The following RGS6 variants were observed in gnomAD, a reference collection of about 807,000 sequenced individuals.
The protein encoded by RGS6 is regulator of G protein signaling 6, also known as regulator of G-protein signaling 6.
RGS6 carries 30 observed loss-of-function variants against 78.5 expected under a neutral mutation model. That is an observed-to-expected ratio of 0.38 (90% confidence interval 0.29 to 0.52). The LOEUF is 0.52. Among genes scored for constraint, RGS6 ranks in the 20% least tolerant of loss-of-function variants. The probability of loss-of-function intolerance (pLI) is 0.85; values close to 1 mark genes in which losing one functional copy is unlikely to be tolerated. For synonymous variants in RGS6, 206 were observed against 206.0 expected (o/e 1.00, Z 0.00); for missense variants, 495 against 609.7 (o/e 0.81, Z 1.98).
rs117873487 is a variant in RGS6 at position 72,226,575 on chromosome 14, G to A, written c.85-125520G>A. 2.1e-3 allele frequency among the ~76,000 whole-genome samples: 321 copies of A among 152,202 alleles called. 1 individual carries two copies. Among genetic ancestry groups the A allele is most frequent in the Middle Eastern group, 6.8e-3 (2 of 294 alleles). On this transcript the variant is annotated intron_variant, in intron 2 of 17. Transcript: ENST00000553525. ...ATCTCCTACTCAAAGTGTGGTCCAC[G>A]GACCAGTGGCATCAATATCAACTGG...
chr14:71,931,395 C>T (rs1197540829), upstream of RGS6, among the ~76,000 whole-genome samples: 1 of 152,140 alleles, frequency 6.6e-6, no homozygotes, highest in African/African-American at 2.4e-5. Context: ...TAACACAGAG[C>T]AGGTGCTATT....
intron 2 of RGS6, among the ~76,000 whole-genome samples, chr14:72,275,921 C>G (rs755993902): frequency 5.9e-5 from 9 of 152,174 alleles, no homozygotes; most frequent in Non-Finnish European, 1.2e-4. Context: ...AAGCCAGCAT[C>G]AGCACAAGGG....
the RGS6 span, among the ~76,000 whole-genome samples, chr14:71,876,769 C>A: frequency 0.024 from 3,714 of 151,996 alleles, 158 homozygotes; most frequent in African/African-American, 0.085. Flanking sequence ...TCTTCCTAGC[C>A]TCGATGGTCT....
chr14:71,999,275 G>A (rs2082938008), intron 2 of RGS6, among the ~76,000 whole-genome samples: 1 of 152,156 alleles, frequency 6.6e-6, no homozygotes, highest in Admixed American at 6.5e-5. Flanking sequence ...TGTTCTCCAG[G>A]AAATCCTGAT....
At chr14:72,617,358 T>C in the RGS6 span, among the ~76,000 whole-genome samples, 1 of 151,822 alleles carries the variant, frequency 6.6e-6, no homozygotes, top group Non-Finnish European at 1.5e-5. Flanking sequence ...CTGCTTTGGG[T>C]TTTGTGGGAA....
chr14:72,614,620 G>T, the RGS6 span, among the ~76,000 whole-genome samples: 17 of 152,100 alleles, frequency 1.1e-4, no homozygotes, highest in African/African-American at 3.9e-4. Flanking sequence ...TGGGTGAGGG[G>T]CTTACTTTGC....
At chr14:71,948,738 CTCTTTTTTTTTTTTTT>C (rs1308448820) in intron 1 of RGS6, among the ~76,000 whole-genome samples, 3 of 75,238 alleles carry the variant, frequency 4.0e-5, no homozygotes, top group Non-Finnish European at 6.9e-5. Context: ...CTCTCTCTCT[CTCTTTTTTTTTTTTTT>C]TTTTTTTTTT....
chr14:71,871,795 G>A, the RGS6 span, among the ~76,000 whole-genome samples: 4 of 152,108 alleles, frequency 2.6e-5, no homozygotes, highest in African/African-American at 7.2e-5. Flanking sequence ...TCACTCCTGA[G>A]TTATTGTGTC....
At chr14:71,990,455 C>G in intron 2 of RGS6, 1 of 373,350 alleles carries the variant, frequency 2.7e-6, no homozygotes, top group Admixed American at 3.3e-5. Flanking sequence ...GGTTTGTGTC[C>G]TTTGGGACAT....
chr14:72,158,018 G>A (rs1458068865), intron 2 of RGS6, among the ~76,000 whole-genome samples: 2 of 151,956 alleles, frequency 1.3e-5, no homozygotes, highest in African/African-American at 4.8e-5. Flanking sequence ...CATTCTTTTA[G>A]TTTCTCTGAG....
intron 2 of RGS6, among the ~76,000 whole-genome samples, chr14:72,222,597 G>A (rs1406905025): frequency 6.6e-6 from 1 of 152,192 alleles, no homozygotes; most frequent in Non-Finnish European, 1.5e-5. Context: ...ACCAATTGCA[G>A]AAATGCAGGG....
chr14:72,153,988 A>G (rs1471793006), intron 2 of RGS6, among the ~76,000 whole-genome samples: 1 of 152,182 alleles, frequency 6.6e-6, no homozygotes, highest in Non-Finnish European at 1.5e-5. Context: ...ACCAGGGCGT[A>G]TCTCAGTCCT....
chr14:72,455,530 A>G (rs994815437), intron 4 of RGS6, among the ~76,000 whole-genome samples: 3 of 152,190 alleles, frequency 2.0e-5, no homozygotes, highest in Non-Finnish European at 4.4e-5. Flanking sequence ...TACAGTTTCT[A>G]TGCAGTTCAA....
At chr14:72,362,969 C>A (rs919129398) in intron 3 of RGS6, among the ~76,000 whole-genome samples, 5 of 152,196 alleles carry the variant, frequency 3.3e-5, no homozygotes, top group African/African-American at 1.2e-4. Context: ...AAATACATGA[C>A]AAACATGCCA....
At position 72,001,320 on chromosome 14, in the gene RGS6, A is replaced by T. The variant is rs2238271; in HGVS notation, c.84+36445A>T. Among the ~76,000 whole-genome samples, 7 of 152,318 alleles carry T rather than the reference A, an allele frequency of 4.6e-5. No homozygotes were observed. The East Asian group carries it at 1.4e-3, about 29-fold the overall frequency. On this transcript the variant is annotated intron_variant, in intron 2 of 17. Coordinates refer to ENST00000553525, the MANE Select transcript of RGS6 (RefSeq NM_001204424.2). ...GTGTTGATGATTTTTCCTACCTCAT[A>T]GAATTCTTTAAAAATAACACTGGAG...
rs118185763 is a variant in RGS6 at position 72,129,012 on chromosome 14, G to C, written c.84+164137G>C. Among the ~76,000 whole-genome samples, 1,052 of 152,276 alleles carry C rather than the reference G, an allele frequency of 6.9e-3. 36 individuals carry two copies. Among genetic ancestry groups the C allele is most frequent in the Admixed American group, 0.06 (918 of 15,288 alleles). On this transcript the variant is annotated intron_variant, in intron 2 of 17. Transcript: ENST00000553525. ...CTTCAGCAGTTTTCTTTTAAAAAAG[G>C]TGTAAAGCCTCTTAAAAATTTTTGC...
chr14:72,383,803 G>C (rs530649166), intron 3 of RGS6, among the ~76,000 whole-genome samples: 4 of 151,446 alleles, frequency 2.6e-5, no homozygotes, highest in African/African-American at 4.9e-5. Context: ...TTCAAAGGGT[G>C]GGGGGGGACG....
At chr14:72,452,575 T>G (rs762594248) in intron 3 of RGS6, among the ~76,000 whole-genome samples, 1 of 152,202 alleles carries the variant, frequency 6.6e-6, no homozygotes, top group African/African-American at 2.4e-5. Context: ...AAGAGGGCAA[T>G]CCTCATGAAG....
At chr14:72,015,516 A>G (rs994833822) in intron 2 of RGS6, among the ~76,000 whole-genome samples, 1 of 152,232 alleles carries the variant, frequency 6.6e-6, no homozygotes, top group East Asian at 1.9e-4. Context: ...GAAAGTTCAG[A>G]TGCTTTCACC....
Sources: allele counts gnomAD v4.1 joint callset (sites outside exome capture counted in the v4.1 genomes callset), GRCh38; gene constraint gnomAD v4.1.1; transcripts MANE v1.5; gene names NCBI Gene and HGNC (gene_info 2026-07-23, HGNC 2026-07-21).